Variants in ACSBG2 observed in about 807,000 individuals in gnomAD.
ACSBG2 encodes the protein acyl-CoA synthetase bubblegum family member 2, also known as long-chain-fatty-acid--CoA ligase ACSBG2.
ACSBG2 carries 62 observed loss-of-function variants against 74.7 expected under a neutral mutation model. The ratio of observed to expected loss-of-function variants is 0.83; its 90% CI spans 0.68 to 1.03. ACSBG2 has a LOEUF of 1.03. Ranked by LOEUF, ACSBG2 falls within the 50% of genes least tolerant of loss-of-function variation. The pLI is 0.00. For missense variants in ACSBG2, 730 were observed against 817.6 expected, an observed-to-expected ratio of 0.89 and a Z score of 1.31; for synonymous variants, 309 against 294.1, an observed-to-expected ratio of 1.05 and a Z score of -0.52.
At position 6,148,966 on chromosome 19, in the gene ACSBG2, G is replaced by T. The variant is rs1040458938; in HGVS notation, c.297+1291G>T. Among the ~76,000 whole-genome samples the T allele has an allele frequency of 2.0e-5, 3 of 152,040 alleles. 1 individual carries two copies. The highest frequency in any genetic ancestry group is 7.2e-5 in the African/African-American group (3 of 41,400). Reference sequence around the variant, plus strand: ...CACTAAAAATACAAAAATTAGCCAGGTGTGGTGGTGCACACCTGTAATCCC... The same window carrying T: ...CACTAAAAATACAAAAATTAGCCAGTTGTGGTGGTGCACACCTGTAATCCC... On this transcript the variant is annotated intron_variant, in intron 3 of 14. Transcript: ENST00000588485.
At chr19:6,151,915 A>C in intron 4 of ACSBG2, 120 bp downstream of exon 4, 1 of 837,582 alleles carries the variant, frequency 1.2e-6, no homozygotes, top group South Asian at 1.6e-5. Flanking sequence ...CCTAGTTAGC[A>C]GGCAGGATAG....
intron 8 of ACSBG2, among the ~76,000 whole-genome samples, chr19:6,179,905 G>A (rs1300232358): frequency 1.3e-5 from 2 of 152,070 alleles, no homozygotes; most frequent in Non-Finnish European, 2.9e-5. Context: ...AAGCAAGCGC[G>A]CCTGGTCCAT....
chr19:6,150,735 A>G (rs1039216981), intron 3 of ACSBG2, among the ~76,000 whole-genome samples: 1 of 152,192 alleles, frequency 6.6e-6, no homozygotes, highest in African/African-American at 2.4e-5. Flanking sequence ...GTTTCAGTTT[A>G]GAAAGAGGAG....
In ACSBG2 at chr19:6,161,261, G is replaced by A; in HGVS notation, c.554G>A (p.Arg185Lys). 1 of 1,613,608 alleles carries A rather than the reference G, an allele frequency of 6.2e-7. No individual in the cohort carries two copies. The highest frequency in any genetic ancestry group is 8.5e-7 in the Non-Finnish European group (1 of 1,179,638). ...CCCCTAAAAGCGATCATCCAGTACA[G>A]ACTGCCAATGAAGAAGAACAACAAC... is the stretch of plus-strand genomic sequence containing the variant. ...LEPLKAIIQY[R>K]LPMKKNNNLY... The change falls in exon 6 of 15, where the codon AGA becomes AAA. Residue 185 changes from arginine (R) to lysine (K), a missense_variant. Coordinates refer to ENST00000588485, the MANE Select transcript of ACSBG2 (RefSeq NM_030924.5).
chr19:6,151,656 T>C (rs747150536), intron 3 of ACSBG2, 51 bp from the exon 4 acceptor site: 69 of 1,512,776 alleles, frequency 4.6e-5, no homozygotes, highest in Non-Finnish European at 9.9e-6. Flanking sequence ...CCTAATGATA[T>C]AACATCTCTG....
chr19:6,188,275 C>A (rs2090463232), intron 13 of ACSBG2, among the ~76,000 whole-genome samples: 1 of 152,166 alleles, frequency 6.6e-6, no homozygotes, highest in South Asian at 2.1e-4. Context: ...TGTTACAGGA[C>A]CCCCAGGTTT....
At chr19:6,138,123 C>G (rs117460178) in intron 1 of ACSBG2, among the ~76,000 whole-genome samples, 1 of 152,170 alleles carries the variant, frequency 6.6e-6, no homozygotes, top group Non-Finnish European at 1.5e-5. Context: ...AAGCACCAGA[C>G]AGTGTGTTCT....
intron 3 of ACSBG2, among the ~76,000 whole-genome samples, chr19:6,151,221 G>A (rs1478269013): frequency 6.6e-6 from 1 of 151,958 alleles, no homozygotes; most frequent in Non-Finnish European, 1.5e-5. Flanking sequence ...TTATGTAGAG[G>A]GAGGTAAACA....
intron 10 of ACSBG2, among the ~76,000 whole-genome samples, chr19:6,183,912 G>A (rs2090329904): frequency 6.6e-6 from 1 of 152,114 alleles, no homozygotes; most frequent in Non-Finnish European, 1.5e-5. Flanking sequence ...CATTCCTCCT[G>A]CCTCAGCCTC....
chr19:6,141,324 C>A (rs2088821249), intron 1 of ACSBG2, among the ~76,000 whole-genome samples, 189 bp from the exon 2 acceptor site: 3 of 152,084 alleles, frequency 2.0e-5, no homozygotes. Context: ...AGATTGAATA[C>A]CCTCTGGGTT....
intron 4 of ACSBG2, among the ~76,000 whole-genome samples, chr19:6,154,229 C>T (rs2145073313): frequency 6.6e-6 from 1 of 151,164 alleles, no homozygotes; most frequent in South Asian, 2.1e-4. Flanking sequence ...TCTATCTCTA[C>T]TAAAAAAAAC....
chr19:6,166,716 C>T (rs1442360347), intron 7 of ACSBG2, among the ~76,000 whole-genome samples: 1 of 152,018 alleles, frequency 6.6e-6, no homozygotes, highest in Non-Finnish European at 1.5e-5. Flanking sequence ...CCACTCACTG[C>T]AACCACTGCC....
At chr19:6,143,995 T>C (rs910804611) in intron 2 of ACSBG2, among the ~76,000 whole-genome samples, 46 of 151,622 alleles carry the variant, frequency 3.0e-4, no homozygotes, top group African/African-American at 1.1e-3. Flanking sequence ...TTTTGTTAGT[T>C]AGTTTGTTTG....
At chr19:6,188,791 T>C (rs1307042305) in intron 13 of ACSBG2, among the ~76,000 whole-genome samples, 1 of 151,888 alleles carries the variant, frequency 6.6e-6, no homozygotes, top group African/African-American at 2.4e-5. Context: ...GAGTCATTGA[T>C]TGGTTGAGGT....
chr19:6,177,457 G>C, intron 8 of ACSBG2, 61 bp downstream of exon 8: 1 of 1,504,214 alleles, frequency 6.6e-7, no homozygotes, highest in Middle Eastern at 1.8e-4. Context: ...CAGGTGAGTA[G>C]ATGGTTGTTA....
In ACSBG2 at chr19:6,174,335, C is replaced by A. The variant is rs906345534; in HGVS notation, c.739-2894C>A. On this transcript the variant is annotated intron_variant, in intron 7 of 14. Transcript: ENST00000588485. This position sits in a 1 kb window ranked among gnomAD's most constrained non-coding sequence, Gnocchi z 4.2. ...GAATTTCCACAGCATCCCTTCTGCT[C>A]CTTTCTGTCAGTCAAAACAAATCAC... 6.6e-6 allele frequency among the ~76,000 whole-genome samples: 1 copy of A among 152,182 alleles called. No homozygotes were observed. Among genetic ancestry groups the A allele is most frequent in the African/African-American group, 2.4e-5 (1 of 41,442 alleles).
At chr19:6,143,080 T>G (rs1477170623) in intron 2 of ACSBG2, among the ~76,000 whole-genome samples, 1 of 152,018 alleles carries the variant, frequency 6.6e-6, no homozygotes, top group Non-Finnish European at 1.5e-5. Flanking sequence ...ATTAGCCAGG[T>G]GTGGTGGCAC....
intron 7 of ACSBG2, among the ~76,000 whole-genome samples, chr19:6,168,775 C>CT (rs1356901572): frequency 6.6e-6 from 1 of 151,942 alleles, no homozygotes; most frequent in African/African-American, 2.4e-5. Context: ...AATATTAGTC[C>CT]TTTTTTATTT....
chr19:6,152,301 T>TGTA (rs1555691267), intron 4 of ACSBG2, among the ~76,000 whole-genome samples: 32 of 71,312 alleles, frequency 4.5e-4, no homozygotes, highest in South Asian at 1.1e-3. Context: ...TTTTTTTTTT[T>TGTA]GAGACGGAGT....
Sources: allele counts gnomAD v4.1 joint callset (sites outside exome capture counted in the v4.1 genomes callset), GRCh38; gene constraint gnomAD v4.1.1; non-coding constraint Gnocchi (gnomAD v3.1); transcripts MANE v1.5; gene names NCBI Gene and HGNC (gene_info 2026-07-23, HGNC 2026-07-21).